NPC1: variants seen among roughly 807,000 people sequenced by gnomAD.
NPC1 encodes the protein NPC intracellular cholesterol transporter 1, also known as Niemann-Pick C1 protein.
NPC1 carries 85 observed loss-of-function variants against 140.4 expected under a neutral mutation model. The ratio of observed to expected loss-of-function variants is 0.61; its 90% CI spans 0.51 to 0.72. The LOEUF is 0.72. Among genes scored for constraint, NPC1 ranks in the 30% least tolerant of loss-of-function variants. The probability of loss-of-function intolerance (pLI) is 0.00; values close to 1 mark genes in which losing one functional copy is unlikely to be tolerated. For missense variants in NPC1, 1,504 were observed against 1,623.8 expected (o/e 0.93, Z 1.27); for synonymous variants, 656 against 624.8 (o/e 1.05, Z -0.74).
chr18:23,531,707 T>A lies in NPC1; in HGVS notation c.*495A>T. The A allele has an allele frequency of 2.5e-6, 4 of 1,601,500 alleles. No homozygotes were observed. The highest frequency in any genetic ancestry group is 3.4e-6 in the Non-Finnish European group (4 of 1,177,090). ...TAATGAGGCCTACAACATTCTGAAA[T>A]CACTTGCTGTTTTTTTATATAAAAA... On this transcript the variant is annotated 3_prime_UTR_variant, in exon 25 of 25. Transcript: ENST00000269228.
At chr18:23,564,279 C>T (rs147642428) in intron 4 of NPC1, among the ~76,000 whole-genome samples, 16 of 152,274 alleles carry the variant, frequency 1.1e-4, no homozygotes, top group South Asian at 6.2e-4. Flanking sequence ...CCACAGCGCC[C>T]GGCCAAGAGT....
intron 8 of NPC1, among the ~76,000 whole-genome samples, chr18:23,556,017 A>C (rs1007026353): frequency 1.3e-5 from 2 of 152,252 alleles, no homozygotes; most frequent in African/African-American, 4.8e-5. Context: ...AAGGTCTACT[A>C]TCTGAAGTAA....
chr18:23,527,086 A>G (rs1458948449), downstream of NPC1, among the ~76,000 whole-genome samples: 2 of 152,070 alleles, frequency 1.3e-5, no homozygotes, highest in Admixed American at 6.5e-5. Flanking sequence ...TGTCTTCTTT[A>G]AGAATCCCCT....
At position 23,544,943 on chromosome 18, in the gene NPC1, A is replaced by ACCCCCCCCCCCCCCCCCCCCCCC; in HGVS notation, c.1947+16_1947+17insGGGGGGGGGGGGGGGGGGGGGGG. On this transcript the variant is annotated intron_variant, in intron 12 of 24. Coordinates refer to ENST00000269228, the MANE Select transcript of NPC1 (RefSeq NM_000271.5). Reference sequence around the variant, plus strand: ...GCTGTTAACCTCTAGAACATACACCACCCCCCCCCGGCTTACCAGAAGCCT... The same window carrying ACCCCCCCCCCCCCCCCCCCCCCC: ...GCTGTTAACCTCTAGAACATACACCACCCCCCCCCCCCCCCCCCCCCCCCCCCCCCCCGGCTTACCAGAAGCCT... The ACCCCCCCCCCCCCCCCCCCCCCC allele has an allele frequency of 9.7e-7, 1 of 1,032,986 alleles. No individual in the cohort carries two copies. The highest frequency in any genetic ancestry group is 1.3e-5 in the South Asian group (1 of 74,506). The allele number at this position is 1,032,986 out of a possible 1,614,324, so 64.0% of individuals were successfully genotyped here.
At chr18:23,547,675 G>A (rs776542916) in intron 11 of NPC1, among the ~76,000 whole-genome samples, 6 of 152,142 alleles carry the variant, frequency 3.9e-5, no homozygotes, top group Non-Finnish European at 8.8e-5. Context: ...CTAGGAGGTT[G>A]AGGCTGCAGT....
chr18:23,529,211 GCTC>G (rs1308446432), downstream of NPC1: 12 of 1,613,688 alleles, frequency 7.4e-6, no homozygotes, highest in African/African-American at 2.7e-5. Flanking sequence ...GAAGCAGCCC[GCTC>G]CTCAAGAGGC....
chr18:23,530,439 A>G (rs1304145057), downstream of NPC1: 1 of 1,614,276 alleles, frequency 6.2e-7, no homozygotes, highest in Admixed American at 1.7e-5. Context: ...TCCAAACACC[A>G]AGTGTTAGCT....
In NPC1 at chr18:23,561,346, ATCTTTATACCT is replaced by A. The variant is rs781025847; in HGVS notation, c.631+3_631+13del. ...ATATCATAAACACACCAAACTTGGAATCTTTATACCTACCTGAAAACACAGGAGTGATGGTA... is the reference window on the plus strand; with the variant it reads ...ATATCATAAACACACCAAACTTGGAAACCTGAAAACACAGGAGTGATGGTA... On this transcript the variant is annotated splice_donor_5th_base_variant and intron_variant, in intron 5 of 24. Coordinates refer to ENST00000269228, the MANE Select transcript of NPC1 (RefSeq NM_000271.5). 6.2e-7 allele frequency: 1 copy of A among 1,613,942 alleles called. No individual in the cohort carries two copies. The highest frequency in any genetic ancestry group is 8.5e-7 in the Non-Finnish European group (1 of 1,179,784).
intron 1 of NPC1, among the ~76,000 whole-genome samples, chr18:23,523,714 CCTCTCTT>C (rs1230047960): frequency 6.6e-6 from 1 of 151,952 alleles, no homozygotes; most frequent in Non-Finnish European, 1.5e-5. Context: ...AGAGCAACAC[CCTCTCTT>C]AAAGAAAAAA....
Position 23,533,499 on chromosome 18 carries a change from G to A in NPC1, c.3610C>T (p.Leu1204Phe). 1 of 1,614,204 alleles carries A rather than the reference G, an allele frequency of 6.2e-7. No individual in the cohort carries two copies. Among genetic ancestry groups the A allele is most frequent in the Non-Finnish European group, 8.5e-7 (1 of 1,180,016 alleles). Residue 1204 changes from leucine (L) to phenylalanine (F), a missense_variant, in exon 24 of 25, where the codon CTT (leucine) becomes TTT (phenylalanine). Physicochemically the swap from Leu to Phe is conservative, Grantham distance 22. Transcript: ENST00000269228. ...ACCACAATCCCTCCAAATTTTGTAA[G>A]TGTGATTCCACTGAACACCTAAAAG... ...MGSSVFSGITLTKFGGIVVLA... is the reference protein window; with the variant it reads ...MGSSVFSGITFTKFGGIVVLA...
chr18:23,579,648 TG>T (rs1356170559), intron 1 of NPC1, among the ~76,000 whole-genome samples: 1 of 152,122 alleles, frequency 6.6e-6, no homozygotes, highest in Non-Finnish European at 1.5e-5. Flanking sequence ...CCCAGCACTT[TG>T]GGAGGCCGAG....
At chr18:23,513,275 T>C (rs902975912) in intron 3 of NPC1, among the ~76,000 whole-genome samples, 5 of 152,218 alleles carry the variant, frequency 3.3e-5, no homozygotes, top group Non-Finnish European at 7.3e-5. Context: ...CCTTTTATAC[T>C]TCATATAAGT....
At chr18:23,566,909 C>T (rs929277790) in intron 4 of NPC1, among the ~76,000 whole-genome samples, 29 of 152,174 alleles carry the variant, frequency 1.9e-4, no homozygotes, top group African/African-American at 6.8e-4. Flanking sequence ...TTTTGTAGAA[C>T]GTCATATAGT....
chr18:23,523,205 C>T (rs954568781), intron 1 of NPC1, among the ~76,000 whole-genome samples: 5 of 152,156 alleles, frequency 3.3e-5, no homozygotes, highest in African/African-American at 1.2e-4. Context: ...CTTTCTCTGA[C>T]CAGCTGATTG....
At chr18:23,524,108 C>T (rs1390342476) in intron 1 of NPC1, 1 of 1,613,830 alleles carries the variant, frequency 6.2e-7, no homozygotes, top group Non-Finnish European at 8.5e-7. Context: ...CATCGTTGCA[C>T]TTATGTTTTC....
Position 23,558,813 on chromosome 18 carries a change from T to C in NPC1, c.881+1418A>G, listed in dbSNP as rs187302529. On this transcript the variant is annotated intron_variant, in intron 6 of 24. Transcript: ENST00000269228. ...TGTGTACGTGTGCCATGTTGATGTG[T>C]TGTACCCATTAACTCGTCATTTAGC... 3.1e-3 allele frequency among the ~76,000 whole-genome samples: 477 copies of C among 152,258 alleles called. 4 individuals are homozygous for C. Among genetic ancestry groups the C allele is most frequent in the African/African-American group, 0.011 (454 of 41,550 alleles).
At chr18:23,529,768 A>ACAGT, downstream of NPC1, 1 of 1,487,936 alleles carries the variant, frequency 6.7e-7, no homozygotes, top group Non-Finnish European at 9.3e-7. Context: ...AAAAAAAAAC[A>ACAGT]CAGTCACTGT....
In NPC1 at chr18:23,510,198, C is replaced by T. The variant is rs1265922343; in HGVS notation, c.432-3556G>A. On this transcript the variant is annotated intron_variant, in intron 3 of 3. Coordinates refer to the NPC1 transcript ENST00000591107. ...TGTTAGTCAGGCATGGTGGTGTGCG[C>T]CTGTAGTCCCAGCTACTTGGGAGGC... 4.6e-5 allele frequency among the ~76,000 whole-genome samples: 7 copies of T among 151,586 alleles called. No individual in the cohort carries two copies. The East Asian group carries it at 1.4e-3, about 29-fold the overall frequency.
downstream of NPC1, chr18:23,529,252 AGT>A: frequency 6.2e-7 from 1 of 1,614,072 alleles, no homozygotes; most frequent in Non-Finnish European, 8.5e-7. Context: ...GTGCTGGACC[AGT>A]CAGATGTGTA....
Sources: allele counts gnomAD v4.1 joint callset (sites outside exome capture counted in the v4.1 genomes callset), GRCh38; gene constraint gnomAD v4.1.1; transcripts MANE v1.5; gene names NCBI Gene and HGNC (gene_info 2026-07-23, HGNC 2026-07-21).